Variants in UBN1 observed in about 807,000 individuals in gnomAD.
UBN1 encodes the protein ubinuclein-1.
A neutral mutation model predicts 108.5 loss-of-function variants in UBN1; 17 were observed. The ratio of observed to expected loss-of-function variants is 0.16; its 90% CI spans 0.11 to 0.24. UBN1 has a LOEUF of 0.24. Among genes scored for constraint, UBN1 ranks in the 10% least tolerant of loss-of-function variants. The pLI, the probability that UBN1 is intolerant of heterozygous loss-of-function variation, is 1.00. For missense variants in UBN1, 1,595 were observed against 1,394.4 expected, an observed-to-expected ratio of 1.14 and a Z score of -2.29; for synonymous variants, 726 against 564.2, an observed-to-expected ratio of 1.29 and a Z score of -4.07.
intron 1 of UBN1, 31 bp downstream of exon 1, chr16:4,848,241 CGTT>C (rs1275162031): frequency 2.6e-5 from 4 of 152,258 alleles, no homozygotes; most frequent in Non-Finnish European, 5.9e-5. Context: ...CGGGCTCTCT[CGTT>C]AGCCTTGCCC....
intron 2 of UBN1, among the ~76,000 whole-genome samples, chr16:4,854,077 A>T (rs966622350): frequency 2.6e-5 from 4 of 152,140 alleles, no homozygotes; most frequent in African/African-American, 9.7e-5. Flanking sequence ...TCTGTCGCCC[A>T]GGCTGGAGTG....
intron 6 of UBN1, among the ~76,000 whole-genome samples, 193 bp from the exon 7 acceptor site, chr16:4,860,471 C>T (rs899538182): frequency 6.6e-6 from 1 of 152,162 alleles, no homozygotes; most frequent in Admixed American, 6.5e-5. Flanking sequence ...GTGTTGCTAA[C>T]CTGTATTAAC....
At chr16:4,872,353 T>G in intron 12 of UBN1, 3 of 985,298 alleles carry the variant, frequency 3.0e-6, no homozygotes, top group South Asian at 9.4e-5. Context: ...ATACATTTTC[T>G]TGGTAAAGGC....
intron 7 of UBN1, among the ~76,000 whole-genome samples, chr16:4,864,103 CAG>C (rs201256419): frequency 0.081 from 8,748 of 107,646 alleles, 331 homozygotes; most frequent in Middle Eastern, 0.12. Context: ...TTTTTTGAGA[CAG>C]AGTCTGACTC....
chr16:4,861,826 C>T (rs995126665), intron 7 of UBN1, among the ~76,000 whole-genome samples: 4 of 152,170 alleles, frequency 2.6e-5, no homozygotes, highest in Non-Finnish European at 5.9e-5. Flanking sequence ...GCCGTAATCC[C>T]GGCTACTTGG....
At chr16:4,860,229 C>G (rs1043829242) in intron 6 of UBN1, among the ~76,000 whole-genome samples, 1 of 152,222 alleles carries the variant, frequency 6.6e-6, no homozygotes, top group Non-Finnish European at 1.5e-5. Flanking sequence ...GTGCTCCTCT[C>G]TGCCCCAGTT....
rs147847282 is a variant in UBN1, at chr16:4,853,055, G to C, written c.138G>C (p.Arg46=). 5.0e-6 allele frequency: 8 copies of C among 1,614,086 alleles called. No homozygotes were observed. The highest frequency in any genetic ancestry group is 1.3e-5 in the African/African-American group (1 of 74,924). Residue 46 remains arginine, a synonymous_variant, in exon 2 of 18, where the codon CGG becomes CGC. Coordinates refer to ENST00000262376, the MANE Select transcript of UBN1 (RefSeq NM_001079514.3). ...QDCEPAAAAV[R]ITLTLFEPDH... ...GTGAGCCGGCTGCAGCAGCTGTTCG[G>C]ATTACACTCACCCTCTTTGAACCAG... is the stretch of plus-strand genomic sequence containing the variant.
chr16:4,871,001 T>C (rs778949785), intron 11 of UBN1, 29 bp downstream of exon 11: 24 of 1,612,836 alleles, frequency 1.5e-5, no homozygotes, highest in Admixed American at 6.7e-5. Flanking sequence ...TTGGCCTCTT[T>C]GGAGGGTTGG....
chr16:4,870,083 C>T, intron 8 of UBN1, 129 bp from the exon 9 acceptor site: 1 of 1,370,686 alleles, frequency 7.3e-7, no homozygotes, highest in Non-Finnish European at 1.0e-6. Context: ...CATTCAGTTA[C>T]ATTGTGTGAC....
chr16:4,879,892 A>G (rs1030467089), intron 17 of UBN1, among the ~76,000 whole-genome samples, 191 bp from the exon 18 acceptor site: 1 of 152,176 alleles, frequency 6.6e-6, no homozygotes, highest in Non-Finnish European at 1.5e-5. Flanking sequence ...GTGTGCTTGC[A>G]GGCTGTGGCC....
intron 17 of UBN1, among the ~76,000 whole-genome samples, chr16:4,878,776 C>T (rs1182492208): frequency 6.6e-6 from 1 of 152,172 alleles, no homozygotes; most frequent in Admixed American, 6.5e-5. Flanking sequence ...TTTGGGAGGC[C>T]AAGGCAGGAG....
Position 4,877,797 on chromosome 16 carries a change from T to TA in UBN1, c.3355+323_3355+324insA, listed in dbSNP as rs145632052. 61,358 of 961,580 alleles carry TA rather than the reference T, an allele frequency of 0.064. 417 individuals carry two copies. Among genetic ancestry groups the TA allele is most frequent in the South Asian group, 0.069 (1,383 of 20,028 alleles). 59.6% of individuals were successfully genotyped at this position (961,580 alleles called of 1,614,324 possible). A position where few individuals can be genotyped will look rare whatever the true frequency, so the allele number is the denominator to read the frequency against. On this transcript the variant is annotated intron_variant, in intron 17 of 17. Transcript: ENST00000262376. The surrounding 1 kb of genome is among the most constrained non-coding windows in gnomAD (Gnocchi z 4.3). ...CTCGGCTTGTTTTTTTCTCTTCAGTTTAAAAAAAAAAAAAAAGGGAAGGTA... is the reference window on the plus strand; with the variant it reads ...CTCGGCTTGTTTTTTTCTCTTCAGTTATAAAAAAAAAAAAAAAGGGAAGGTA...
rs1235324051 is a variant in UBN1 at position 4,874,672 on chromosome 16, A to G, written c.2262A>G (p.Lys754=). Residue 754 remains lysine, a synonymous_variant, in exon 15 of 18, where the codon AAA becomes AAG. Coordinates refer to ENST00000262376, the MANE Select transcript of UBN1 (RefSeq NM_001079514.3). ...TGGGGCAGTCCTCTCAGGAGAAAAA[A>G]CCAGAGAGTTCTGGCTACAAAGAGC... ...LALGQSSQEK[K]PESSGYKELS... 1.9e-6 allele frequency: 3 copies of G among 1,613,880 alleles called. No individual in the cohort carries two copies. Among genetic ancestry groups the G allele is most frequent in the African/African-American group, 1.3e-5 (1 of 74,854 alleles).
At position 4,868,912 on chromosome 16, in the gene UBN1, C is replaced by CT. The variant is rs547373689; in HGVS notation, c.1181+9_1181+10insT. ...AATGGAATCCTATTAGAGTGAGTAT[C>CT]GTCTGTCTGTCTGTCTGTCTGTCTG... On this transcript the variant is annotated intron_variant, in intron 8 of 17. Coordinates refer to ENST00000262376, the MANE Select transcript of UBN1 (RefSeq NM_001079514.3). 107 of 1,612,458 alleles carry CT rather than the reference C, an allele frequency of 6.6e-5. No individual in the cohort carries two copies. The highest frequency in any genetic ancestry group is 1.3e-4 in the Admixed American group (8 of 59,872).
At chr16:4,872,127 C>G (rs963252375) in intron 12 of UBN1, 1 of 925,068 alleles carries the variant, frequency 1.1e-6, no homozygotes, top group South Asian at 5.0e-5. Context: ...TGATTGGACT[C>G]GAATCATCTG....
At position 4,870,644 on chromosome 16, in the gene UBN1, T is replaced by C; in HGVS notation, c.1430+10T>C. On this transcript the variant is annotated intron_variant, in intron 10 of 17. Coordinates refer to ENST00000262376, the MANE Select transcript of UBN1 (RefSeq NM_001079514.3). The stretch of plus-strand genomic sequence containing the variant: ...AGGCAAAGGTTGCCAAGTAAGTTTG[T>C]CCTGGCGCTTGCAGGTGCAACCCTC... 1 of 1,613,658 alleles carries C rather than the reference T, an allele frequency of 6.2e-7. No individual in the cohort carries two copies. Among genetic ancestry groups the C allele is most frequent in the Non-Finnish European group, 8.5e-7 (1 of 1,179,946 alleles).
intron 3 of UBN1, among the ~76,000 whole-genome samples, 150 bp from the exon 4 acceptor site, chr16:4,858,413 CAGGAA>C (rs1488601971): frequency 1.3e-5 from 2 of 152,156 alleles, no homozygotes. Flanking sequence ...AAAAGGTTTT[CAGGAA>C]AGGAGGTTTT....
Position 4,858,008 on chromosome 16 carries a change from C to G in UBN1, c.268C>G (p.Pro90Ala), listed in dbSNP as rs3184650. 1.2e-6 allele frequency: 2 copies of G among 1,612,670 alleles called. No homozygotes were observed. Among genetic ancestry groups the G allele is most frequent in the South Asian group, 2.2e-5 (2 of 90,966 alleles). Reference protein sequence around the residue: ...PGDKKKDLSDPFNDEEKERHK... With the variant: ...PGDKKKDLSDAFNDEEKERHK... ...TTTACAGAAGAAAGATCTGTCAGAT[C>G]CTTTCAATGACGAAGAAAAGGAAAG... The change falls in exon 3 of 18, where the codon CCT (proline) becomes GCT (alanine). Residue 90 changes from proline to alanine, a missense_variant. Around this residue, in one of 3 missense-constraint regions of UBN1, gnomAD observed 181 missense variants for 157.3 expected, o/e 1.15. Coordinates refer to ENST00000262376, the MANE Select transcript of UBN1 (RefSeq NM_001079514.3).
At position 4,880,126 on chromosome 16, in the gene UBN1, A is replaced by C; in HGVS notation, c.3399A>C (p.Lys1133Asn). 6.2e-7 allele frequency: 1 copy of C among 1,613,934 alleles called. No individual in the cohort carries two copies. Among genetic ancestry groups the C allele is most frequent in the Non-Finnish European group, 8.5e-7 (1 of 1,180,002 alleles). Residue 1133 changes from lysine (K) to asparagine (N), a missense_variant, in exon 18 of 18, where the codon AAA becomes AAC. By Grantham distance (94) the Lys-to-Asn change is moderately conservative. Around this residue, in one of 3 missense-constraint regions of UBN1, gnomAD observed 1,398 missense variants for 1,194.7 expected, o/e 1.17. Coordinates refer to ENST00000262376, the MANE Select transcript of UBN1 (RefSeq NM_001079514.3). ...LHGKGPAVPR[K>N]L ...GGAAAGGGCCTGCTGTACCACGGAA[A>C]TTGTGACCGCTTCAGAGGCAAGGCT...
Sources: allele counts gnomAD v4.1 joint callset (sites outside exome capture counted in the v4.1 genomes callset), GRCh38; gene constraint gnomAD v4.1.1; regional missense constraint gnomAD v4.1.1; non-coding constraint Gnocchi (gnomAD v3.1); transcripts MANE v1.5; gene names NCBI Gene and HGNC (gene_info 2026-07-23, HGNC 2026-07-21).